The following ZNF232 variants were observed in gnomAD, a reference collection of about 807,000 sequenced individuals.
The protein encoded by ZNF232 is zinc finger and SCAN domain-containing protein 11.
In ZNF232, 25 loss-of-function variants were observed where a neutral mutation model predicts 25.2. The observed-to-expected ratio is 0.99, with a 90% CI of 0.72 to 1.39. ZNF232 has a LOEUF of 1.39. ZNF232 is among the 40% of genes most tolerant of loss of function. The pLI, the probability that ZNF232 is intolerant of heterozygous loss-of-function variation, is 0.00. For synonymous variants in ZNF232, 193 were observed against 182.9 expected, an observed-to-expected ratio of 1.06 and a Z score of -0.45; for missense variants, 519 against 520.9, an observed-to-expected ratio of 1.00 and a Z score of 0.04.
At chr17:5,120,551 C>T (rs766663375) in intron 1 of ZNF232, 13 of 351,538 alleles carry the variant, frequency 3.7e-5, no homozygotes, top group Admixed American at 7.9e-5. Context: ...CCTGTCTCTC[C>T]GAGGGAAAGA....
At chr17:5,108,170 G>C (rs1567756332) in intron 3 of ZNF232, among the ~76,000 whole-genome samples, 1 of 152,100 alleles carries the variant, frequency 6.6e-6, no homozygotes, top group African/African-American at 2.4e-5. Context: ...GATAGTGATG[G>C]GGGGGCAGTT....
chr17:5,122,465 C>G (rs184896270), intron 1 of ZNF232, among the ~76,000 whole-genome samples: 1 of 152,200 alleles, frequency 6.6e-6, no homozygotes, highest in Non-Finnish European at 1.5e-5. Context: ...TTTTGCTCCC[C>G]GAAAAGGTTT....
At chr17:5,115,589 G>A (rs1310434856), upstream of ZNF232, among the ~76,000 whole-genome samples, 1 of 114,044 alleles carries the variant, frequency 8.8e-6, no homozygotes, top group Non-Finnish European at 1.8e-5. Context: ...ACCCAAAACG[G>A]AACAGAGGCA....
chr17:5,113,131 A>C (rs1043108948), upstream of ZNF232, among the ~76,000 whole-genome samples: 1 of 152,198 alleles, frequency 6.6e-6, no homozygotes, highest in Non-Finnish European at 1.5e-5. Context: ...AGATTATTAA[A>C]TTTGTTTCTC....
exon 2 of ZNF232, chr17:5,109,793 T>A (rs776004008): frequency 1.9e-6 from 3 of 1,614,218 alleles, no homozygotes; most frequent in Non-Finnish European, 1.7e-6. Context: ...TTTCAGCTGC[T>A]GTTAGTGATA....
upstream of ZNF232, among the ~76,000 whole-genome samples, chr17:5,116,240 T>C (rs2072533956): frequency 7.3e-6 from 1 of 137,532 alleles, no homozygotes; most frequent in Non-Finnish European, 1.7e-5. Context: ...ACTTCCCGCC[T>C]GCGGGCTCTC....
Position 5,117,852 on chromosome 17 carries a change from T to C in ZNF232, c.-530+5125A>G, listed in dbSNP as rs539671248. 3.3e-5 allele frequency among the ~76,000 whole-genome samples: 5 copies of C among 152,140 alleles called. No homozygotes were observed. In the East Asian group the frequency reaches 9.7e-4, roughly 29 times the overall value. ...GCTCACACCTGTAATCCCAGGACTT[T>C]GGGAGGCCAAGGCAGGCAGATCACC... On this transcript the variant is annotated intron_variant, in intron 1 of 4. Coordinates refer to the ZNF232 transcript ENST00000250076.
chr17:5,111,593 A>G, intron 1 of ZNF232: 1 of 678,102 alleles, frequency 1.5e-6, no homozygotes, highest in African/African-American at 1.8e-5. Flanking sequence ...AAAAGAGAAG[A>G]GGAACATCAA....
chr17:5,110,030 C>T (rs2072362545), intron 1 of ZNF232, among the ~76,000 whole-genome samples, 162 bp from the exon 2 acceptor site: 1 of 152,078 alleles, frequency 6.6e-6, no homozygotes, highest in Non-Finnish European at 1.5e-5. Flanking sequence ...GCTGGGATTA[C>T]AGGCGCCTGC....
upstream of ZNF232, chr17:5,111,961 G>A (rs1006935411): frequency 8.2e-5 from 107 of 1,298,894 alleles, no homozygotes; most frequent in Non-Finnish European, 1.0e-4. Flanking sequence ...TGGCCCAGGC[G>A]CGTGGGCGCT....
chr17:5,116,673 CTG>C (rs2072546337), upstream of ZNF232: 1 of 152,270 alleles, frequency 6.6e-6, no homozygotes, highest in Non-Finnish European at 1.5e-5. Flanking sequence ...AGACCCAAGA[CTG>C]TACCGCCAAG....
rs760737786 is a variant in ZNF232, at chr17:5,105,840, T to C, written c.1292A>G (p.Lys431Arg). 4 of 1,589,452 alleles carry C rather than the reference T, an allele frequency of 2.5e-6. No homozygotes were observed. In the East Asian group the frequency reaches 6.7e-5, roughly 27 times the overall value. The stretch of plus-strand genomic sequence containing the variant: ...CCCTTCAATTCAATGGGAAGGCTCT[T>C]TTCTGGCATGAACTCTCCGATGTCT... The change falls in exon 4 of 4, where the codon AAA (lysine) becomes AGA (arginine). Residue 431 changes from lysine to arginine, a missense_variant. By Grantham distance (26) the Lys-to-Arg change is conservative (BLOSUM62 2). Transcript: ENST00000575898.
rs201827182 is a variant in ZNF232 at position 5,106,269 on chromosome 17, G to A, written c.863C>T (p.Pro288Leu). 1.1e-4 allele frequency: 172 copies of A among 1,614,088 alleles called. No individual in the cohort carries two copies. Among genetic ancestry groups the A allele is most frequent in the Middle Eastern group, 1.6e-4 (1 of 6,084 alleles). Residue 288 changes from proline to leucine, a missense_variant, in exon 4 of 4, where the codon CCC (proline) becomes CTC (leucine). By Grantham distance (98) the Pro-to-Leu change is moderately conservative. Coordinates refer to ENST00000575898, the Ensembl canonical transcript of ZNF232. ...ACATTCATGGTCTTTCTTCCCTGTG[G>A]GAATTTCCTTATGGATGACAACCAT...
exon 1 of ZNF232, chr17:5,123,052 C>T (rs1597963262): frequency 6.5e-6 from 1 of 153,316 alleles, no homozygotes; most frequent in South Asian, 1.8e-4. Context: ...CAGGGCTGGA[C>T]CTGGGCTGGA....
At chr17:5,118,043 T>C (rs946430237) in intron 1 of ZNF232, among the ~76,000 whole-genome samples, 1 of 145,168 alleles carries the variant, frequency 6.9e-6, no homozygotes, top group African/African-American at 2.6e-5. Flanking sequence ...CACTCTAGCC[T>C]GGGCAACAGA....
chr17:5,106,797 A>G (rs903761044), intron 3 of ZNF232, among the ~76,000 whole-genome samples: 1 of 152,190 alleles, frequency 6.6e-6, no homozygotes, highest in Non-Finnish European at 1.5e-5. Context: ...ATTACAATGC[A>G]TGGTCTTTTT....
chr17:5,111,926 G>C, upstream of ZNF232: 1 of 1,493,388 alleles, frequency 6.7e-7, no homozygotes, highest in Non-Finnish European at 9.0e-7. Flanking sequence ...AATCCTCCTC[G>C]CCGCCGGCTT....
upstream of ZNF232, among the ~76,000 whole-genome samples, chr17:5,115,532 CAG>C (rs2072510729): frequency 7.1e-6 from 1 of 140,632 alleles, no homozygotes; most frequent in East Asian, 2.4e-4. Context: ...GCTTGGGCAA[CAG>C]AGCAAGACTC....
At chr17:5,105,964 T>G in exon 4 of ZNF232, 5 of 1,614,176 alleles carry the variant, frequency 3.1e-6, no homozygotes, top group Non-Finnish European at 3.4e-6. Flanking sequence ...AGATATGAGC[T>G]TTGACTAAAG....
Sources: gnomAD v4.1 joint callset for allele counts (sites outside exome capture counted in the v4.1 genomes callset) on GRCh38, gnomAD v4.1.1 for gene constraint, MANE v1.5 for transcripts, NCBI Gene and HGNC (gene_info 2026-07-23, HGNC 2026-07-21) for gene names.